Variants in LAMA2 observed in about 807,000 individuals in gnomAD.
The protein encoded by LAMA2 is laminin subunit alpha 2, also known as laminin subunit alpha-2.
A neutral mutation model predicts 364.8 loss-of-function variants in LAMA2; 269 were observed. The ratio of observed to expected loss-of-function variants is 0.74; its 90% CI spans 0.67 to 0.82. The LOEUF is 0.82. LAMA2 is among the 40% of genes least tolerant of loss of function. LAMA2 has a pLI of 0.00. For synonymous variants in LAMA2, 1,379 were observed against 1,370.6 expected (o/e 1.01, Z -0.14); for missense variants, 3,807 against 3,873.2 (o/e 0.98, Z 0.45).
At chr6:129,340,857 A>C (rs928382287) in intron 29 of LAMA2, among the ~76,000 whole-genome samples, 1 of 146,708 alleles carries the variant, frequency 6.8e-6, no homozygotes, top group African/African-American at 2.7e-5. Context: ...AAAAAAGAGA[A>C]AAAGAAAAGA....
At position 129,473,202 on chromosome 6, in the gene LAMA2, T is replaced by C. The variant is rs780764713; in HGVS notation, c.7301-12T>C. 1 of 1,573,188 alleles carries C rather than the reference T, an allele frequency of 6.4e-7. No individual in the cohort carries two copies. Among genetic ancestry groups the C allele is most frequent in the Admixed American group, 1.7e-5 (1 of 59,770 alleles). Reference sequence around the variant, plus strand: ...CTCAAATAAAATGTTAAACTTTCTTTCTCCTTTACAGCCAATATATCAATT... The same window carrying C: ...CTCAAATAAAATGTTAAACTTTCTTCCTCCTTTACAGCCAATATATCAATT... On this transcript the variant is annotated splice_polypyrimidine_tract_variant and intron_variant, in intron 51 of 64. Transcript: ENST00000421865.
chr6:129,190,184 G>T (rs1199398651), intron 10 of LAMA2, 21 bp from the exon 11 acceptor site: 4 of 1,612,056 alleles, frequency 2.5e-6, no homozygotes, highest in Admixed American at 1.7e-5. Flanking sequence ...CTCTGTTGCT[G>T]ATACATCTCT....
chr6:129,389,911 C>T (rs1051070117), intron 35 of LAMA2, among the ~76,000 whole-genome samples: 4 of 152,044 alleles, frequency 2.6e-5, no homozygotes, highest in South Asian at 2.1e-4. Context: ...TTGAGGTGGT[C>T]GGTGGGGGGA....
chr6:129,400,044 T>C (rs1228225407), intron 37 of LAMA2, among the ~76,000 whole-genome samples: 1 of 152,212 alleles, frequency 6.6e-6, no homozygotes, highest in African/African-American at 2.4e-5. Flanking sequence ...TTATTTCTTA[T>C]GGTTCTGGAG....
chr6:129,261,482 T>G (rs879870103), intron 15 of LAMA2, among the ~76,000 whole-genome samples: 2 of 152,152 alleles, frequency 1.3e-5, no homozygotes, highest in Admixed American at 6.6e-5. Flanking sequence ...TCTGTGTATT[T>G]TCTTTTACAC....
intron 1 of LAMA2, among the ~76,000 whole-genome samples, chr6:128,905,855 A>G (rs1415811436): frequency 2.6e-5 from 4 of 151,822 alleles, no homozygotes; most frequent in Admixed American, 1.3e-4. Flanking sequence ...TCATTGTTCA[A>G]TTCCCACCTA....
chr6:129,366,238 T>C lies in LAMA2; in HGVS notation c.4737T>C (p.Thr1579=). 6.2e-7 allele frequency: 1 copy of C among 1,613,956 alleles called. No homozygotes were observed. Among genetic ancestry groups the C allele is most frequent in the Non-Finnish European group, 8.5e-7 (1 of 1,179,964 alleles). ...TCACAGTTTGTGGAGATGAGTGCAC[T>C]GGCCTTCTTCTCGGTGACTTGGCTC... The part of the protein sequence containing the change: ...WECVFCGDEC[T]GLLLGDLARL... Residue 1579 remains threonine, a synonymous_variant, in exon 33 of 65, where the codon ACT becomes ACC. Transcript: ENST00000421865.
intron 20 of LAMA2, among the ~76,000 whole-genome samples, chr6:129,292,216 G>C (rs1489659076): frequency 6.6e-6 from 1 of 152,130 alleles, no homozygotes. Flanking sequence ...CACGGTGGCA[G>C]GTGCCTGTAA....
intron 29 of LAMA2, among the ~76,000 whole-genome samples, chr6:129,328,837 GATTT>G (rs1583504984): frequency 2.6e-5 from 4 of 152,106 alleles, no homozygotes; most frequent in African/African-American, 9.7e-5. Context: ...TTATGAATAA[GATTT>G]ATATAACACC....
chr6:129,375,949 C>T (rs998040136), intron 34 of LAMA2, among the ~76,000 whole-genome samples: 1 of 152,172 alleles, frequency 6.6e-6, no homozygotes, highest in African/African-American at 2.4e-5. Context: ...ACTCTACTCC[C>T]TCTTTCATCC....
At chr6:129,172,549 C>A (rs181685567) in intron 9 of LAMA2, among the ~76,000 whole-genome samples, 1 of 152,348 alleles carries the variant, frequency 6.6e-6, no homozygotes, top group African/African-American at 2.4e-5. Flanking sequence ...TCTCCAGCTG[C>A]GTGCTGGGAG....
chr6:129,180,213 A>C (rs1025363635), intron 10 of LAMA2, among the ~76,000 whole-genome samples: 14 of 152,152 alleles, frequency 9.2e-5, no homozygotes, highest in East Asian at 3.8e-4. Flanking sequence ...AATTTTATTG[A>C]AAGACTAAAA....
intron 45 of LAMA2, among the ~76,000 whole-genome samples, chr6:129,448,886 G>A (rs1444894041): frequency 6.6e-6 from 1 of 152,118 alleles, no homozygotes; most frequent in African/African-American, 2.4e-5. Context: ...TTACAAGAGT[G>A]ACATATCCTA....
intron 1 of LAMA2, among the ~76,000 whole-genome samples, chr6:128,943,164 G>A (rs1780263014): frequency 6.6e-6 from 1 of 152,054 alleles, no homozygotes; most frequent in Admixed American, 6.6e-5. Flanking sequence ...TTGTGTGTGT[G>A]TGTATATATA....
At chr6:129,423,244 C>G (rs1781167470) in intron 40 of LAMA2, among the ~76,000 whole-genome samples, 5 of 151,892 alleles carry the variant, frequency 3.3e-5, no homozygotes, top group Admixed American at 6.6e-5. Context: ...TAGCACAAGA[C>G]TAAGATTAGG....
intron 12 of LAMA2, among the ~76,000 whole-genome samples, chr6:129,203,488 G>A (rs1185743926): frequency 1.3e-5 from 2 of 152,124 alleles, no homozygotes; most frequent in Non-Finnish European, 2.9e-5. Context: ...GTTGGTAGTG[G>A]GAGAAGAAAA....
At chr6:129,431,242 C>T (rs186050784) in intron 41 of LAMA2, among the ~76,000 whole-genome samples, 49 of 151,738 alleles carry the variant, frequency 3.2e-4, no homozygotes, top group Admixed American at 8.5e-4. Context: ...CTACTAAAAA[C>T]GCAAAAATTA....
intron 33 of LAMA2, among the ~76,000 whole-genome samples, chr6:129,368,906 GAC>G (rs1218592779): frequency 1.3e-5 from 2 of 152,176 alleles, no homozygotes; most frequent in Non-Finnish European, 2.9e-5. Context: ...GACCATCAAG[GAC>G]ACACATGTGA....
chr6:129,011,513 A>T (rs575695092), intron 1 of LAMA2, among the ~76,000 whole-genome samples: 15 of 152,154 alleles, frequency 9.9e-5, no homozygotes, highest in Non-Finnish European at 1.8e-4. Flanking sequence ...AAGCATTTGT[A>T]TCATTAGGCA....
Sources: gnomAD v4.1 joint callset for allele counts (sites outside exome capture counted in the v4.1 genomes callset) on GRCh38, gnomAD v4.1.1 for gene constraint, MANE v1.5 for transcripts, NCBI Gene and HGNC (gene_info 2026-07-23, HGNC 2026-07-21) for gene names.